The following PLD5 variants were observed in gnomAD, a reference collection of about 807,000 sequenced individuals.
The protein encoded by PLD5 is inactive phospholipase D5.
PLD5 carries 36 observed loss-of-function variants against 61.1 expected under a neutral mutation model. The observed-to-expected ratio is 0.59, with a 90% CI of 0.45 to 0.78. PLD5 has a LOEUF of 0.78. PLD5 is among the 30% of genes least tolerant of loss of function. PLD5 has a pLI of 0.00. For synonymous variants in PLD5, 243 were observed against 242.8 expected, an observed-to-expected ratio of 1.00 and a Z score of -0.01; for missense variants, 515 against 644.4, an observed-to-expected ratio of 0.80 and a Z score of 2.17.
intron 1 of PLD5, among the ~76,000 whole-genome samples, chr1:242,469,809 T>C (rs1199085832): frequency 6.6e-6 from 1 of 152,124 alleles, no homozygotes; most frequent in Non-Finnish European, 1.5e-5. Context: ...CTTAGAACTA[T>C]GGCTGCACAA....
intron 4 of PLD5, among the ~76,000 whole-genome samples, chr1:242,222,847 TA>T (rs1670689397): frequency 6.6e-6 from 1 of 152,244 alleles, no homozygotes; most frequent in Non-Finnish European, 1.5e-5. Flanking sequence ...TAATGATGCC[TA>T]AAATTATTTT....
chr1:242,332,038 C>A (rs377697553), intron 2 of PLD5, among the ~76,000 whole-genome samples: 5 of 152,054 alleles, frequency 3.3e-5, no homozygotes, highest in East Asian at 3.9e-4. Context: ...CCTCCCCTAG[C>A]CTCCCACCCC....
chr1:242,373,835 GAT>G (rs144347813), intron 1 of PLD5, among the ~76,000 whole-genome samples: 1 of 151,484 alleles, frequency 6.6e-6, no homozygotes, highest in African/African-American at 2.4e-5. Flanking sequence ...AGCATTAGGA[GAT>G]ATATATATAT....
At chr1:242,481,558 T>C (rs912663847) in intron 1 of PLD5, among the ~76,000 whole-genome samples, 3 of 152,134 alleles carry the variant, frequency 2.0e-5, no homozygotes. Context: ...ACAAAGCAGC[T>C]GGGAAGCTCG....
chr1:242,252,275 G>C (rs1574613541), intron 4 of PLD5, among the ~76,000 whole-genome samples: 1 of 152,232 alleles, frequency 6.6e-6, no homozygotes, highest in East Asian at 1.9e-4. Context: ...ACTCACACCA[G>C]TTCTCGTGAC....
chr1:242,097,480 T>G (rs1326485743), intron 9 of PLD5, among the ~76,000 whole-genome samples: 1 of 152,228 alleles, frequency 6.6e-6, no homozygotes, highest in African/African-American at 2.4e-5. Flanking sequence ...TGGTTTTGAT[T>G]TGCATTTCTC....
intron 4 of PLD5, among the ~76,000 whole-genome samples, chr1:242,246,516 C>CACACACACACACACAA (rs1475199350): frequency 6.8e-6 from 1 of 147,354 alleles, no homozygotes. Flanking sequence ...CACACACACA[C>CACACACACACACACAA]AAAAGCAAAA....
intron 1 of PLD5, among the ~76,000 whole-genome samples, chr1:242,428,154 T>A (rs201206568): frequency 6.6e-6 from 1 of 152,242 alleles, no homozygotes; most frequent in Non-Finnish European, 1.5e-5. Context: ...AAAGTAGGTA[T>A]GCTGAAACCT....
Position 242,410,194 on chromosome 1 carries a change from G to A in PLD5, c.190-61952C>T, listed in dbSNP as rs113361109. On this transcript the variant is annotated intron_variant, in intron 1 of 9. Transcript: ENST00000536534. ...GAACAGCAGCTAGGGCTCCTCCTGCGGTCAATTTAAGGATCCTCGGAAGAA... is the reference window on the plus strand; with the variant it reads ...GAACAGCAGCTAGGGCTCCTCCTGCAGTCAATTTAAGGATCCTCGGAAGAA... Among the ~76,000 whole-genome samples the A allele has an allele frequency of 4.0e-3, 616 of 152,164 alleles. 5 individuals are homozygous for A. The highest frequency in any genetic ancestry group is 0.013 in the African/African-American group (555 of 41,508).
intron 1 of PLD5, among the ~76,000 whole-genome samples, chr1:242,443,668 A>T (rs1272892848): frequency 6.6e-6 from 1 of 152,208 alleles, no homozygotes; most frequent in Admixed American, 6.5e-5. Context: ...ATCATAGCTT[A>T]ACCTGAAGCA....
intron 2 of PLD5, among the ~76,000 whole-genome samples, chr1:242,334,789 GA>G (rs1488320560): frequency 6.6e-6 from 1 of 152,110 alleles, no homozygotes; most frequent in Admixed American, 6.5e-5. Context: ...TTTCCCAGGG[GA>G]CTTTCATGGC....
rs147594946 is a variant in PLD5 at position 242,500,085 on chromosome 1, G to A, written c.189+24003C>T. Among the ~76,000 whole-genome samples the A allele has an allele frequency of 3.5e-4, 53 of 152,246 alleles. No homozygotes were observed. In the East Asian group the frequency reaches 7.7e-3, roughly 22 times the overall value. On this transcript the variant is annotated intron_variant, in intron 1 of 9. Transcript: ENST00000536534. ...CTCCAAGAATAATGGTTCAGATGCC[G>A]CACAGTCTTTTATGATCAAGCCTTG...
intron 1 of PLD5, among the ~76,000 whole-genome samples, chr1:242,511,179 G>T (rs1365553653): frequency 6.6e-6 from 1 of 152,058 alleles, no homozygotes; most frequent in South Asian, 2.1e-4. Flanking sequence ...ACAACTTAAA[G>T]AATCATAAAA....
chr1:242,389,628 T>C (rs1448841292), intron 1 of PLD5, among the ~76,000 whole-genome samples: 1 of 151,826 alleles, frequency 6.6e-6, no homozygotes, highest in Non-Finnish European at 1.5e-5. Flanking sequence ...GAAATAAATA[T>C]GCCACTTAGA....
chr1:242,183,881 C>A (rs555000190), intron 5 of PLD5, among the ~76,000 whole-genome samples: 3 of 151,894 alleles, frequency 2.0e-5, no homozygotes, highest in African/African-American at 7.2e-5. Context: ...GGCGACAGAG[C>A]GAGACTCCGT....
chr1:242,414,804 A>G (rs905203748), intron 1 of PLD5, among the ~76,000 whole-genome samples: 3 of 152,354 alleles, frequency 2.0e-5, no homozygotes, highest in East Asian at 1.9e-4. Context: ...CTAAAAAGCT[A>G]TTGTTGGCAA....
chr1:242,155,591 CTTCAT>C (rs1213532411), intron 5 of PLD5, among the ~76,000 whole-genome samples: 1 of 152,092 alleles, frequency 6.6e-6, no homozygotes, highest in African/African-American at 2.4e-5. Flanking sequence ...TTATTTCTGC[CTTCAT>C]TTCATTATTT....
intron 2 of PLD5, chr1:242,345,694 A>C (rs2149217326): frequency 1.3e-6 from 1 of 744,210 alleles, no homozygotes; most frequent in East Asian, 2.5e-5. Flanking sequence ...CTCAGACCCT[A>C]TCAGGAGAAG....
intron 6 of PLD5, among the ~76,000 whole-genome samples, chr1:242,121,662 T>C (rs1187294839): frequency 1.3e-5 from 2 of 152,074 alleles, no homozygotes; most frequent in Non-Finnish European, 2.9e-5. Context: ...TGCGGCGCTA[T>C]TCACAATAGC....
Sources: allele counts gnomAD v4.1 joint callset (sites outside exome capture counted in the v4.1 genomes callset), GRCh38; gene constraint gnomAD v4.1.1; transcripts MANE v1.5; gene names NCBI Gene and HGNC (gene_info 2026-07-23, HGNC 2026-07-21).